Variants in JHY observed in about 807,000 individuals in gnomAD.
The protein encoded by JHY is jhy protein homolog.
JHY carries 69 observed loss-of-function variants against 78.0 expected under a neutral mutation model. That is an observed-to-expected ratio of 0.88 (90% CI 0.73 to 1.08). JHY has a LOEUF of 1.08. JHY is among the 50% of genes least tolerant of loss of function. The pLI is 0.00. For synonymous variants in JHY, 368 were observed against 342.6 expected (o/e 1.07, Z -0.82); for missense variants, 944 against 927.8 (o/e 1.02, Z -0.23).
rs1864358551 is a variant in JHY at position 122,963,856 on chromosome 11, T to G, written c.*4411T>G. ...TAAACTGGTGCAAATAAAAGACATT[T>G]AAACCATGTATTCTCTCTTATTAAA... On this transcript the variant is annotated 3_prime_UTR_variant, in exon 9 of 9. Coordinates refer to ENST00000227349, the MANE Select transcript of JHY (RefSeq NM_024806.4). Among the ~76,000 whole-genome samples, 1 of 152,178 alleles carries G rather than the reference T, an allele frequency of 6.6e-6. No homozygotes were observed. Among genetic ancestry groups the G allele is most frequent in the Non-Finnish European group, 1.5e-5 (1 of 67,996 alleles).
intron 4 of JHY, among the ~76,000 whole-genome samples, chr11:122,930,333 A>G (rs990044121): frequency 6.6e-6 from 1 of 151,908 alleles, no homozygotes; most frequent in African/African-American, 2.4e-5. Flanking sequence ...ACCCGCCTCT[A>G]CCTCCCAAAG....
At chr11:122,958,812 TG>T (rs1864245705) in intron 8 of JHY, 2 of 984,982 alleles carry the variant, frequency 2.0e-6, no homozygotes, top group Admixed American at 1.2e-4. Context: ...GGTATAATGA[TG>T]GGAGCTCAAG....
chr11:122,908,886 G>T (rs1228760976), intron 3 of JHY, among the ~76,000 whole-genome samples: 1 of 152,070 alleles, frequency 6.6e-6, no homozygotes, highest in Non-Finnish European at 1.5e-5. Context: ...TTTTGGTAGA[G>T]ATTTCAGGAA....
intron 4 of JHY, among the ~76,000 whole-genome samples, chr11:122,929,734 A>G (rs1863598729): frequency 6.6e-6 from 1 of 152,236 alleles, no homozygotes; most frequent in Admixed American, 6.5e-5. Context: ...ATATGTAGAT[A>G]GATGTATATT....
At position 122,884,896 on chromosome 11, in the gene JHY, G is replaced by A. The variant is rs374093337; in HGVS notation, c.-89-865G>A. 4.6e-5 allele frequency among the ~76,000 whole-genome samples: 7 copies of A among 151,892 alleles called. No homozygotes were observed. In the East Asian group the frequency reaches 5.8e-4, roughly 13 times the overall value. Reference sequence around the variant, plus strand: ...ACTGCAGCCTCTGCCTGCCCGGCTCGAGTGACCCTCCTCCCACCGCAGTCT... The same window carrying A: ...ACTGCAGCCTCTGCCTGCCCGGCTCAAGTGACCCTCCTCCCACCGCAGTCT... On this transcript the variant is annotated intron_variant, in intron 1 of 8. Coordinates refer to ENST00000227349, the MANE Select transcript of JHY (RefSeq NM_024806.4).
intron 1 of JHY, among the ~76,000 whole-genome samples, chr11:122,884,742 G>C (rs1862458514): frequency 6.6e-6 from 1 of 152,086 alleles, no homozygotes; most frequent in East Asian, 1.9e-4. Context: ...AGACCTCCAG[G>C]CTCTGCTTTG....
rs1863963323 is a variant in JHY, at chr11:122,946,506, A to G, written c.1643A>G (p.His548Arg). The G allele has an allele frequency of 6.4e-7, 1 of 1,564,196 alleles. No homozygotes were observed. The highest frequency in any genetic ancestry group is 8.6e-7 in the Non-Finnish European group (1 of 1,158,986). Reference protein sequence around the residue: ...YRNLEMLWKFHSSSDSQTVRA... With the variant: ...YRNLEMLWKFRSSSDSQTVRA... ...TTTTTTTTTTCATTAAGGAAATTCC[A>G]TTCTTCTTCTGACAGCCAGACGGTT... The change falls in exon 6 of 9, where the codon CAT becomes CGT. Residue 548 changes from histidine to arginine, a missense_variant. Coordinates refer to ENST00000227349, the MANE Select transcript of JHY (RefSeq NM_024806.4).
At position 122,919,091 on chromosome 11, in the gene JHY, G is replaced by A. The variant is rs376330492; in HGVS notation, c.865-5806G>A. Among the ~76,000 whole-genome samples the A allele has an allele frequency of 9.9e-5, 15 of 152,138 alleles. No homozygotes were observed. The East Asian group carries it at 2.1e-3, about 22-fold the overall frequency. On this transcript the variant is annotated intron_variant, in intron 3 of 8. Coordinates refer to ENST00000227349, the MANE Select transcript of JHY (RefSeq NM_024806.4). ...AAGTGGGCCAGGCACAGTGGGTCAC[G>A]CCTGTAATCCCAGCACTTTGGAAGG...
At chr11:122,892,797 A>G (rs1862653424) in intron 2 of JHY, among the ~76,000 whole-genome samples, 1 of 152,212 alleles carries the variant, frequency 6.6e-6, no homozygotes. Context: ...AGGGAAGACC[A>G]AAACTCAGGA....
Position 122,959,705 on chromosome 11 carries a change from G to T in JHY, c.*260G>T. 5.5e-6 allele frequency: 2 copies of T among 363,460 alleles called. No homozygotes were observed. Among genetic ancestry groups the T allele is most frequent in the South Asian group, 3.5e-5 (1 of 28,446 alleles). 22.5% of individuals were successfully genotyped at this position (363,460 alleles called of 1,614,324 possible). The stretch of plus-strand genomic sequence containing the variant: ...AGCTGAATAATAACTAGAGAATAAA[G>T]CTTTTGTTTTATATTGATCTTTTGA... On this transcript the variant is annotated 3_prime_UTR_variant, in exon 9 of 9. Transcript: ENST00000227349.
intron 6 of JHY, among the ~76,000 whole-genome samples, chr11:122,950,947 A>G (rs77957789): frequency 2.2e-4 from 33 of 152,284 alleles, no homozygotes; most frequent in African/African-American, 7.5e-4. Context: ...TCAATCCAGC[A>G]CTTTCAGCTT....
intron 3 of JHY, among the ~76,000 whole-genome samples, chr11:122,916,611 G>A (rs564472255): frequency 3.3e-5 from 5 of 152,086 alleles, no homozygotes; most frequent in African/African-American, 1.2e-4. Flanking sequence ...GTGTGTTTTG[G>A]TTTTTTGTTT....
chr11:122,943,208 C>T (rs1048855593), intron 5 of JHY, among the ~76,000 whole-genome samples: 1 of 152,150 alleles, frequency 6.6e-6, no homozygotes, highest in African/African-American at 2.4e-5. Context: ...ATTATGATTG[C>T]CTCTTGGATG....
In JHY at chr11:122,961,084, T is replaced by C. The variant is rs1158759284; in HGVS notation, c.*1639T>C. On this transcript the variant is annotated 3_prime_UTR_variant, in exon 9 of 9. Transcript: ENST00000227349. ...AAGAAGACTCATGCACAGCCAGTTA[T>C]GTAAATGTATCTATCCCAATTGAGA... The C allele has an allele frequency of 1.1e-5, 11 of 1,015,440 alleles. No homozygotes were observed. 62.9% of individuals were successfully genotyped at this position (1,015,440 alleles called of 1,614,324 possible). A position where few individuals can be genotyped will look rare whatever the true frequency, so the allele number is the denominator to read the frequency against.
intron 2 of JHY, among the ~76,000 whole-genome samples, chr11:122,893,101 C>T (rs1862660737): frequency 6.6e-6 from 1 of 152,192 alleles, no homozygotes; most frequent in Non-Finnish European, 1.5e-5. Flanking sequence ...CAACCTCTTA[C>T]AATACATTAC....
chr11:122,937,245 T>C (rs1465796570), intron 5 of JHY, among the ~76,000 whole-genome samples: 4 of 148,510 alleles, frequency 2.7e-5, no homozygotes, highest in Non-Finnish European at 6.0e-5. Context: ...TTCATTTCTT[T>C]TTTTTTTTTT....
intron 5 of JHY, 23 bp from the exon 6 acceptor site, chr11:122,946,475 G>T (rs757012959): frequency 7.2e-5 from 112 of 1,546,938 alleles, no homozygotes; most frequent in Non-Finnish European, 9.6e-5. Context: ...TAATAGATTT[G>T]TGCCTTTTTT....
chr11:122,916,929 A>G (rs948467709), intron 3 of JHY, among the ~76,000 whole-genome samples: 23 of 152,084 alleles, frequency 1.5e-4, no homozygotes, highest in African/African-American at 5.6e-4. Context: ...GCACCTGGCC[A>G]TAATCGCTAG....
intron 2 of JHY, among the ~76,000 whole-genome samples, chr11:122,902,463 CAA>C (rs1387511263): frequency 2.9e-5 from 4 of 137,980 alleles, no homozygotes; most frequent in Non-Finnish European, 1.6e-5. Flanking sequence ...AGACTTGTCT[CAA>C]AAAAAAAAAA....
Sources: allele counts gnomAD v4.1 joint callset (sites outside exome capture counted in the v4.1 genomes callset), GRCh38; gene constraint gnomAD v4.1.1; transcripts MANE v1.5; gene names NCBI Gene and HGNC (gene_info 2026-07-23, HGNC 2026-07-21).